Variants in KCNH6 observed in about 807,000 individuals in gnomAD.
KCNH6 encodes potassium voltage-gated channel subfamily H member 6.
Under a neutral mutation model 83.4 loss-of-function variants are expected in KCNH6, and 81 were observed. That is an observed-to-expected ratio of 0.97 (90% CI 0.81 to 1.17). The LOEUF (loss-of-function observed/expected upper bound fraction) is 1.17, where lower values mean the gene tolerates loss of function less well. Among genes scored for constraint, KCNH6 ranks in the 50% most tolerant of loss-of-function variants. The probability of loss-of-function intolerance (pLI) is 0.00; values close to 1 mark genes in which losing one functional copy is unlikely to be tolerated. For missense variants in KCNH6, 1,203 were observed against 1,290.5 expected (o/e 0.93, Z 1.04); for synonymous variants, 503 against 545.6 (o/e 0.92, Z 1.09).
chr17:63,538,421 C>T lies in KCNH6; in HGVS notation c.1713C>T (p.Gly571=), dbSNP rs749798924. The T allele has an allele frequency of 2.5e-6, 4 of 1,599,208 alleles. No homozygotes were observed. The highest frequency in any genetic ancestry group is 3.4e-5 in the Admixed American group (2 of 58,824). The change falls in exon 8 of 13, where the codon GGC becomes GGT. Residue 571 remains glycine (G), a synonymous_variant. Transcript: ENST00000314672. The surrounding 1 kb of genome is among the most constrained non-coding windows in gnomAD (Gnocchi z 4.0). ...CGCCCGCCTTGCAGGTGCTGAAGGG[C>T]TTCCCCGAGTGCCTGCAGGCTGACA... ...NGIDMNAVLK[G]FPECLQADIC...
Position 63,546,042 on chromosome 17 carries a change from G to A in KCNH6, c.*140G>A. The stretch of plus-strand genomic sequence containing the variant: ...CGAGGCGGGCGGATCAGACCATCCT[G>A]GCTAACACGGTGAAACCCCACCTCT... On this transcript the variant is annotated 3_prime_UTR_variant, in exon 13 of 13. Transcript: ENST00000314672. The A allele has an allele frequency of 1.4e-6, 1 of 692,220 alleles. No individual in the cohort carries two copies. Among genetic ancestry groups the A allele is most frequent in the Non-Finnish European group, 2.4e-6 (1 of 421,674 alleles). The allele number at this position is 692,220 out of a possible 1,614,324, so 42.9% of individuals were successfully genotyped here. A position where few individuals can be genotyped will look rare whatever the true frequency, so the allele number is the denominator to read the frequency against.
chr17:63,545,824 C>A lies in KCNH6; in HGVS notation c.2799C>A (p.His933Gln). The change falls in exon 13 of 13, where the codon CAC becomes CAA. Residue 933 changes from histidine (H) to glutamine (Q), a missense_variant. Coordinates refer to ENST00000314672, the MANE Select transcript of KCNH6 (RefSeq NM_001278919.2). ...CCTGCTTCTCCTCCCTCCCTGAACA[C>A]CTTGGCTCTGTTCCCAAGCAGCTGG... is the stretch of plus-strand genomic sequence containing the variant. ...CGPCFSSLPE[H>Q]LGSVPKQLDF... 1 of 1,614,154 alleles carries A rather than the reference C, an allele frequency of 6.2e-7. No individual in the cohort carries two copies. Among genetic ancestry groups the A allele is most frequent in the Non-Finnish European group, 8.5e-7 (1 of 1,180,030 alleles).
intron 10 of KCNH6, 77 bp from the exon 11 acceptor site, chr17:63,544,172 G>T: frequency 6.2e-7 from 1 of 1,603,516 alleles, no homozygotes; most frequent in Non-Finnish European, 8.5e-7. Context: ...TAGGGGGTGG[G>T]GGACAGGCTC....
chr17:63,541,041 TC>T (rs1487893261), intron 8 of KCNH6, among the ~76,000 whole-genome samples: 1 of 152,168 alleles, frequency 6.6e-6, no homozygotes, highest in Non-Finnish European at 1.5e-5. Flanking sequence ...TCTTGGTTCT[TC>T]CTGTTTCTAG....
At position 63,538,626 on chromosome 17, in the gene KCNH6, G is replaced by GGT; in HGVS notation, c.1918_1919insGT (p.Glu640GlyfsTer13). 1 of 1,604,208 alleles carries GGT rather than the reference G, an allele frequency of 6.2e-7. No individual in the cohort carries two copies. The highest frequency in any genetic ancestry group is 8.5e-7 in the Non-Finnish European group (1 of 1,173,536). ...CTACTTCATCTCCCGAGGCTCCATC[G>GGT]AGATCCTGCGCGACGACGTGGTCGT... On this transcript the variant is annotated frameshift_variant, in exon 8 of 13. Transcript: ENST00000314672. LOFTEE classifies it high-confidence loss of function. This position sits in a 1 kb window ranked among gnomAD's most constrained non-coding sequence, Gnocchi z 4.0.
rs1048238733 is a variant in KCNH6 at position 63,534,321 on chromosome 17, C to A, written c.1101+10C>A. ...CACTGGCTCCGATGAGGTGAGCAGA[C>A]CCCCTCCAGGCCAGCAGCCATGGCT... On this transcript the variant is annotated intron_variant, in intron 5 of 12. Coordinates refer to ENST00000314672, the MANE Select transcript of KCNH6 (RefSeq NM_001278919.2). The surrounding 1 kb of genome is among the most constrained non-coding windows in gnomAD (Gnocchi z 5.0). 1.3e-5 allele frequency: 21 copies of A among 1,600,916 alleles called. No homozygotes were observed. The highest frequency in any genetic ancestry group is 1.6e-5 in the Non-Finnish European group (19 of 1,172,860).
downstream of KCNH6, among the ~76,000 whole-genome samples, chr17:63,548,274 AG>A (rs1207026862): frequency 6.6e-6 from 1 of 152,080 alleles, no homozygotes; most frequent in African/African-American, 2.4e-5. Context: ...TCAAAAAAAA[AG>A]TAGGTCGGTC....
chr17:63,532,214 C>T (rs1345932387), intron 4 of KCNH6, among the ~76,000 whole-genome samples: 1 of 152,228 alleles, frequency 6.6e-6, no homozygotes, highest in Non-Finnish European at 1.5e-5. Context: ...GTCTCCCTCC[C>T]ACTCCCCACC....
In KCNH6 at chr17:63,534,797, C is replaced by T. The variant is rs1437615613; in HGVS notation, c.1101+486C>T. On this transcript the variant is annotated intron_variant, in intron 5 of 12. Transcript: ENST00000314672. The surrounding 1 kb of genome is among the most constrained non-coding windows in gnomAD (Gnocchi z 5.0). ...ACGGTCTCCTCTTGCCCCCTCTCCT[C>T]ACGATCAGCTTTTCACTGAAATCAA... Among the ~76,000 whole-genome samples, 6 of 152,166 alleles carry T rather than the reference C, an allele frequency of 3.9e-5. No individual in the cohort carries two copies. Among genetic ancestry groups the T allele is most frequent in the Non-Finnish European group, 7.4e-5 (5 of 68,022 alleles).
intron 2 of KCNH6, among the ~76,000 whole-genome samples, chr17:63,528,792 G>A (rs942439230): frequency 3.3e-5 from 5 of 152,130 alleles, no homozygotes; most frequent in South Asian, 2.1e-4. Context: ...GAGGGTGCTC[G>A]TGGGGTGCCT....
Position 63,533,838 on chromosome 17 carries a change from C to T in KCNH6, c.676-48C>T, listed in dbSNP as rs772956181. The T allele has an allele frequency of 2.6e-6, 4 of 1,565,342 alleles. No homozygotes were observed. In the African/African-American group the frequency reaches 5.4e-5, roughly 21 times the overall value. ...GCCTCAGCCCTCTAGGCCAGTCTCA[C>T]CAGCAGTGGCTGCCCCGTGCCTGAC... On this transcript the variant is annotated intron_variant, in intron 4 of 12. Coordinates refer to ENST00000314672, the MANE Select transcript of KCNH6 (RefSeq NM_001278919.2). This position sits in a 1 kb window ranked among gnomAD's most constrained non-coding sequence, Gnocchi z 4.1.
intron 2 of KCNH6, among the ~76,000 whole-genome samples, chr17:63,526,834 A>C (rs1202168181): frequency 1.3e-5 from 2 of 152,160 alleles, no homozygotes; most frequent in East Asian, 3.9e-4. Flanking sequence ...GCAGCTACAG[A>C]CATTTGGGCT....
rs2032018474 is a variant in KCNH6, at chr17:63,530,387, A to T, written c.520A>T (p.Lys174Ter). Residue 174 changes from lysine to a stop codon, truncating the protein, a stop_gained, in exon 4 of 13, where the codon AAG (lysine) becomes TAG (stop). Coordinates refer to ENST00000314672, the MANE Select transcript of KCNH6 (RefSeq NM_001278919.2). LOFTEE classifies it high-confidence loss of function. ...GGPGPGTGRG[K>*]YRTISQIPQF... ...ACCAGGGCCAGGCACAGGCAGGGGC[A>T]AGTACAGGACCATCAGCCAGATCCC... 1 of 1,614,086 alleles carries T rather than the reference A, an allele frequency of 6.2e-7. No individual in the cohort carries two copies. The highest frequency in any genetic ancestry group is 1.7e-5 in the Admixed American group (1 of 60,016).
At position 63,538,071 on chromosome 17, in the gene KCNH6, T is replaced by C. The variant is rs199756290; in HGVS notation, c.1508T>C (p.Met503Thr). The C allele has an allele frequency of 3.1e-6, 5 of 1,613,348 alleles. No homozygotes were observed. The highest frequency in any genetic ancestry group is 4.2e-6 in the Non-Finnish European group (5 of 1,179,918). ...CTCTCCGCCCCGCCCCCAGCCCTGA[T>C]GTACGCCAGCATCTTCGGGAACGTG... Reference protein sequence around the residue: ...SICVMLIGSLMYASIFGNVSA... With the variant: ...SICVMLIGSLTYASIFGNVSA... The change falls in exon 7 of 13, where the codon ATG becomes ACG. Residue 503 changes from methionine to threonine, a missense_variant. Transcript: ENST00000314672. This position sits in a 1 kb window ranked among gnomAD's most constrained non-coding sequence, Gnocchi z 4.0.
chr17:63,523,381 C>T lies in KCNH6; in HGVS notation c.-33C>T. On this transcript the variant is annotated 5_prime_UTR_variant, in exon 1 of 13. Transcript: ENST00000314672. This position sits in a 1 kb window ranked among gnomAD's most constrained non-coding sequence, Gnocchi z 4.2. ...ACGGAGACGCCGGGAGCCAGTGGCGCCTGTGGCTCCGGGCAGGGGCCGCGG... is the reference window on the plus strand; with the variant it reads ...ACGGAGACGCCGGGAGCCAGTGGCGTCTGTGGCTCCGGGCAGGGGCCGCGG... 1 of 1,566,896 alleles carries T rather than the reference C, an allele frequency of 6.4e-7. No individual in the cohort carries two copies. The highest frequency in any genetic ancestry group is 8.6e-7 in the Non-Finnish European group (1 of 1,159,780).
At chr17:63,527,137 T>G (rs1032542439) in intron 2 of KCNH6, among the ~76,000 whole-genome samples, 4 of 152,284 alleles carry the variant, frequency 2.6e-5, no homozygotes, top group African/African-American at 9.6e-5. Flanking sequence ...GAGAGTCCCC[T>G]AATCCCCAAG....
chr17:63,523,462 A>T lies in KCNH6; in HGVS notation c.49A>T (p.Thr17Ser), dbSNP rs1225497487. 1 of 1,605,114 alleles carries T rather than the reference A, an allele frequency of 6.2e-7. No homozygotes were observed. ...CGCTCCCCAAAACACTTACCTGGAC[A>T]CCATCATCCGCAAGTTCGAGGGCCA... ...HVAPQNTYLD[T>S]IIRKFEGQSR... Residue 17 changes from threonine to serine, a missense_variant, in exon 1 of 13, where the codon ACC (threonine) becomes TCC (serine). Coordinates refer to ENST00000314672, the MANE Select transcript of KCNH6 (RefSeq NM_001278919.2). The surrounding 1 kb of genome is among the most constrained non-coding windows in gnomAD (Gnocchi z 4.2).
rs1029578139 is a variant in KCNH6, at chr17:63,523,655, C to G, written c.76+166C>G. On this transcript the variant is annotated intron_variant, in intron 1 of 12. Transcript: ENST00000314672. The surrounding 1 kb of genome is among the most constrained non-coding windows in gnomAD (Gnocchi z 4.2). ...CCCAACACCTTCTCCTCCAGGGGGA[C>G]CCGCTTGCCTTAAATGCTGTCCTCT... Among the ~76,000 whole-genome samples, 12 of 152,086 alleles carry G rather than the reference C, an allele frequency of 7.9e-5. No homozygotes were observed. The highest frequency in any genetic ancestry group is 1.5e-4 in the Non-Finnish European group (10 of 68,004).
chr17:63,524,402 G>A, intron 2 of KCNH6, 33 bp downstream of exon 2: 3 of 1,583,794 alleles, frequency 1.9e-6, no homozygotes, highest in Non-Finnish European at 2.6e-6. Context: ...GCTTTGCAGG[G>A]CAGGCTTGGC....
Sources: gnomAD v4.1 joint callset for allele counts (sites outside exome capture counted in the v4.1 genomes callset) on GRCh38, gnomAD v4.1.1 for gene constraint, Gnocchi (gnomAD v3.1) non-coding constraint, MANE v1.5 for transcripts, NCBI Gene and HGNC (gene_info 2026-07-23, HGNC 2026-07-21) for gene names.